SGK3: variants seen among roughly 807,000 people sequenced by gnomAD.
SGK3 encodes the protein serum/glucocorticoid regulated kinase family member 3.
A neutral mutation model predicts 68.5 loss-of-function variants in SGK3; 47 were observed. The ratio of observed to expected loss-of-function variants is 0.69; its 90% CI spans 0.54 to 0.87. The LOEUF (loss-of-function observed/expected upper bound fraction) is 0.87. SGK3 is among the 40% of genes least tolerant of loss of function. The probability of loss-of-function intolerance (pLI) is 0.00; values close to 1 mark genes in which losing one functional copy is unlikely to be tolerated. For missense variants in SGK3, 479 were observed against 575.5 expected, an observed-to-expected ratio of 0.83 and a Z score of 1.72; for synonymous variants, 181 against 189.1, an observed-to-expected ratio of 0.96 and a Z score of 0.35.
intron 1 of SGK3, chr8:66,737,620 T>TA (rs1585649290): frequency 6.7e-6 from 1 of 150,082 alleles, no homozygotes; most frequent in African/African-American, 2.5e-5. Context: ...CCTTTATCTT[T>TA]TTTTTTTTTT....
At chr8:66,809,711 T>C (rs2097590539) in intron 4 of SGK3, among the ~76,000 whole-genome samples, 2 of 152,204 alleles carry the variant, frequency 1.3e-5, no homozygotes, top group Non-Finnish European at 2.9e-5. Context: ...GAATCACAGT[T>C]CATAAATAGA....
intron 1 of SGK3, among the ~76,000 whole-genome samples, chr8:66,777,644 C>T (rs575407240): frequency 2.6e-5 from 4 of 152,152 alleles, no homozygotes; most frequent in East Asian, 1.9e-4. Flanking sequence ...TTTCTTCATT[C>T]CCTTCATTTT....
At chr8:66,834,865 G>A (rs1222582819) in intron 8 of SGK3, among the ~76,000 whole-genome samples, 11 of 150,672 alleles carry the variant, frequency 7.3e-5, no homozygotes, top group East Asian at 2.0e-4. Flanking sequence ...GTGTGAACCC[G>A]GGAGGCGGAG....
At chr8:66,805,858 TC>T (rs1433964660) in intron 4 of SGK3, among the ~76,000 whole-genome samples, 1 of 152,148 alleles carries the variant, frequency 6.6e-6, no homozygotes, top group African/African-American at 2.4e-5. Context: ...AAGAGAGAGA[TC>T]TTGGTCACTA....
chr8:66,770,688 G>GT (rs1033641711), intron 1 of SGK3, among the ~76,000 whole-genome samples: 4 of 152,116 alleles, frequency 2.6e-5, no homozygotes, highest in South Asian at 2.1e-4. Flanking sequence ...GCTTTCATAT[G>GT]TTTTTTTCTT....
chr8:66,713,714 T>C (rs568533484), intron 1 of SGK3, among the ~76,000 whole-genome samples: 47 of 152,366 alleles, frequency 3.1e-4, no homozygotes, highest in African/African-American at 1.1e-3. Context: ...GGGCTCTTTC[T>C]AAGTTCTTTA....
At chr8:66,760,177 C>G (rs1806112405) in intron 1 of SGK3, among the ~76,000 whole-genome samples, 1 of 152,054 alleles carries the variant, frequency 6.6e-6, no homozygotes, top group African/African-American at 2.4e-5. Context: ...AGAAAAATTT[C>G]TCAGTGGAGG....
At chr8:66,748,423 C>A (rs1805711404) in intron 1 of SGK3, among the ~76,000 whole-genome samples, 1 of 152,152 alleles carries the variant, frequency 6.6e-6, no homozygotes, top group South Asian at 2.1e-4. Context: ...TGCTAAGCTA[C>A]TCGAGTTTTG....
intron 3 of SGK3, among the ~76,000 whole-genome samples, chr8:66,799,867 G>C (rs151211698): frequency 1.3e-5 from 2 of 152,002 alleles, no homozygotes; most frequent in African/African-American, 2.4e-5. Context: ...CATGTGATCC[G>C]CCCACCTCGG....
chr8:66,812,982 A>G (rs189766606), intron 4 of SGK3, among the ~76,000 whole-genome samples: 87 of 152,212 alleles, frequency 5.7e-4, no homozygotes, highest in African/African-American at 2.0e-3. Flanking sequence ...GGCTGGGCAC[A>G]ATGGCTCATG....
At chr8:66,825,272 CTT>C (rs1410538793) in intron 6 of SGK3, among the ~76,000 whole-genome samples, 1 of 147,082 alleles carries the variant, frequency 6.8e-6, no homozygotes, top group African/African-American at 2.5e-5. Flanking sequence ...AAAAGAATCT[CTT>C]TTAAAAAAGG....
intron 1 of SGK3, chr8:66,768,130 G>T: frequency 2.5e-6 from 1 of 393,530 alleles, no homozygotes; most frequent in Non-Finnish European, 4.7e-6. Flanking sequence ...ATCTTACAAT[G>T]GTATACTTCC....
intron 2 of SGK3, among the ~76,000 whole-genome samples, chr8:66,795,327 C>T (rs1206408615): frequency 7.9e-5 from 12 of 152,212 alleles, no homozygotes; most frequent in Admixed American, 7.9e-4. Flanking sequence ...GTGCGTCTGA[C>T]CATTGACCCC....
intron 13 of SGK3, among the ~76,000 whole-genome samples, chr8:66,843,145 A>T (rs1809863632): frequency 6.6e-6 from 1 of 152,100 alleles, no homozygotes; most frequent in East Asian, 1.9e-4. Context: ...TCTTTGAAAG[A>T]CTTTCCCCAC....
At chr8:66,743,037 T>C (rs1805528034) in intron 1 of SGK3, among the ~76,000 whole-genome samples, 1 of 152,218 alleles carries the variant, frequency 6.6e-6, no homozygotes, top group Admixed American at 6.5e-5. Flanking sequence ...AAGTCTGTAA[T>C]TTTCTTGCCA....
At chr8:66,759,072 CT>C (rs1383510742) in intron 1 of SGK3, among the ~76,000 whole-genome samples, 6 of 139,456 alleles carry the variant, frequency 4.3e-5, no homozygotes, top group African/African-American at 1.8e-4. Flanking sequence ...TTTCTTTTTT[CT>C]TTTCTTCTTT....
At chr8:66,848,247 T>C (rs1372613668) in intron 15 of SGK3, among the ~76,000 whole-genome samples, 1 of 152,188 alleles carries the variant, frequency 6.6e-6, no homozygotes, top group Non-Finnish European at 1.5e-5. Flanking sequence ...ATTGCAGCTC[T>C]AGATGAATCC....
At chr8:66,764,700 C>T (rs1381515259) in intron 1 of SGK3, among the ~76,000 whole-genome samples, 3 of 152,130 alleles carry the variant, frequency 2.0e-5, no homozygotes, top group African/African-American at 4.8e-5. Context: ...TGGTCTCAGG[C>T]AATCCACAGC....
At chr8:66,791,539 T>G (rs533017952) in intron 1 of SGK3, among the ~76,000 whole-genome samples, 1 of 152,334 alleles carries the variant, frequency 6.6e-6, no homozygotes, top group East Asian at 1.9e-4. Context: ...GCCTACCATC[T>G]CTTTCCTTCT....
Sources: allele counts gnomAD v4.1 joint callset (sites outside exome capture counted in the v4.1 genomes callset), GRCh38; gene constraint gnomAD v4.1.1; transcripts MANE v1.5; gene names NCBI Gene and HGNC (gene_info 2026-07-23, HGNC 2026-07-21).